CFAP97D2: variants seen among roughly 807,000 people sequenced by gnomAD.
CFAP97D2 encodes uncharacterized protein CFAP97D2.
chr13:114,194,319 T>C (rs1442422606), intron 1 of CFAP97D2, among the ~76,000 whole-genome samples: 3 of 152,218 alleles, frequency 2.0e-5, no homozygotes, highest in Non-Finnish European at 4.4e-5. Flanking sequence ...AAAATGAACC[T>C]GAATTTCTAA....
In CFAP97D2 at chr13:114,202,270, A is replaced by C. The variant is rs577195832; in HGVS notation, c.290+1827A>C. ...AGGCTGCAATCAGAGTTTATGTAAA[A>C]AGAAATTCAGAGATGAATACCTCTG... is the stretch of plus-strand genomic sequence containing the variant. On this transcript the variant is annotated intron_variant, in intron 3 of 4. Transcript: ENST00000646158. Among the ~76,000 whole-genome samples, 22 of 152,338 alleles carry C rather than the reference A, an allele frequency of 1.4e-4. No homozygotes were observed. The East Asian group carries it at 3.9e-3, about 27-fold the overall frequency.
Position 114,207,513 on chromosome 13 carries a change from C to T in CFAP97D2, c.291-4399C>T, listed in dbSNP as rs4600346. ...GAACACGCAGCTTAGATCTCTCGAA[C>T]GTGCAGTTCACAATAGGGTTCACAC... On this transcript the variant is annotated intron_variant, in intron 3 of 4. Coordinates refer to ENST00000646158, the Ensembl canonical transcript of CFAP97D2. This position sits in a 1 kb window ranked among gnomAD's most constrained non-coding sequence, Gnocchi z 4.9. Among the ~76,000 whole-genome samples the T allele has an allele frequency of 0.28, 42,232 of 151,912 alleles. 7,778 individuals carry two copies. The highest frequency in any genetic ancestry group is 0.55 in the East Asian group (2,846 of 5,142).
In CFAP97D2 at chr13:114,208,043, G is replaced by A. The variant is rs573562340; in HGVS notation, c.291-3869G>A. ...AAGATCTGTGAGCCAGGCTCTTGGTGGGACCTCAGCTCACTCTGCCGTCTC... is the reference window on the plus strand; with the variant it reads ...AAGATCTGTGAGCCAGGCTCTTGGTAGGACCTCAGCTCACTCTGCCGTCTC... On this transcript the variant is annotated intron_variant, in intron 3 of 4. Transcript: ENST00000646158. Among the ~76,000 whole-genome samples the A allele has an allele frequency of 2.0e-5, 3 of 152,280 alleles. No individual in the cohort carries two copies. In the South Asian group the frequency reaches 6.2e-4, roughly 32 times the overall value.
intron 4 of CFAP97D2, among the ~76,000 whole-genome samples, chr13:114,220,422 C>G (rs2081016293): frequency 6.6e-6 from 1 of 152,314 alleles, no homozygotes; most frequent in African/African-American, 2.4e-5. Context: ...TCCTGGATAT[C>G]TCAATCTGGT....
intron 3 of CFAP97D2, among the ~76,000 whole-genome samples, chr13:114,210,607 G>A (rs1417258074): frequency 6.6e-6 from 1 of 152,058 alleles, no homozygotes; most frequent in East Asian, 1.9e-4. Flanking sequence ...CTCCCTGCCT[G>A]TCTGTCCTCC....
chr13:114,191,358 C>T (rs1291924874), intron 1 of CFAP97D2, among the ~76,000 whole-genome samples: 2 of 152,012 alleles, frequency 1.3e-5, no homozygotes, highest in East Asian at 1.9e-4. Context: ...AGAAAATATT[C>T]GCAAAAGATA....
In CFAP97D2 at chr13:114,207,349, T is replaced by C. The variant is rs1006518155; in HGVS notation, c.291-4563T>C. Among the ~76,000 whole-genome samples the C allele has an allele frequency of 2.0e-5, 3 of 152,142 alleles. No individual in the cohort carries two copies. Among genetic ancestry groups the C allele is most frequent in the African/African-American group, 7.2e-5 (3 of 41,424 alleles). On this transcript the variant is annotated intron_variant, in intron 3 of 4. Transcript: ENST00000646158. This position sits in a 1 kb window ranked among gnomAD's most constrained non-coding sequence, Gnocchi z 4.9. ...TGTGAAGCTTGATATTACATTGTAA[T>C]ATAGAATGAAGTAATTATACAACTC... is the stretch of plus-strand genomic sequence containing the variant.
intron 3 of CFAP97D2, among the ~76,000 whole-genome samples, chr13:114,201,758 G>A (rs1395734698): frequency 1.3e-5 from 2 of 152,248 alleles, no homozygotes; most frequent in Non-Finnish European, 2.9e-5. Context: ...GAGCACTGCA[G>A]ACCAGTTGGT....
chr13:114,182,287 T>A (rs1207368820), intron 1 of CFAP97D2, among the ~76,000 whole-genome samples: 1 of 152,102 alleles, frequency 6.6e-6, no homozygotes, highest in Non-Finnish European at 1.5e-5. Context: ...GAGTAAAGAA[T>A]AACAAGGCAG....
At chr13:114,196,841 G>A (rs1160180403) in intron 2 of CFAP97D2, among the ~76,000 whole-genome samples, 1 of 152,240 alleles carries the variant, frequency 6.6e-6, no homozygotes, top group Non-Finnish European at 1.5e-5. Context: ...AGGGAGACTT[G>A]AGACGTCAAT....
intron 1 of CFAP97D2, among the ~76,000 whole-genome samples, chr13:114,192,073 TG>T (rs998615071): frequency 5.5e-5 from 1 of 18,290 alleles, no homozygotes; most frequent in Non-Finnish European, 1.3e-4. Flanking sequence ...GGTGGGTGGG[TG>T]GGGGGAGGAA....
chr13:114,185,807 G>A lies in CFAP97D2; in HGVS notation c.90+6387G>A, dbSNP rs2080852028. ...ACAAGCACAGGAGGGAGGCTGAGGG[G>A]GATGCAGAGGACAGCACAGTGCTGG... On this transcript the variant is annotated intron_variant, in intron 1 of 4. Coordinates refer to ENST00000646158, the Ensembl canonical transcript of CFAP97D2. This position sits in a 1 kb window ranked among gnomAD's most constrained non-coding sequence, Gnocchi z 5.2. Among the ~76,000 whole-genome samples, 1 of 152,212 alleles carries A rather than the reference G, an allele frequency of 6.6e-6. No homozygotes were observed. Among genetic ancestry groups the A allele is most frequent in the African/African-American group, 2.4e-5 (1 of 41,456 alleles).
chr13:114,184,020 A>G (rs982761645), intron 1 of CFAP97D2, among the ~76,000 whole-genome samples: 10 of 152,078 alleles, frequency 6.6e-5, no homozygotes, highest in African/African-American at 2.2e-4. Context: ...GCATGGTAGT[A>G]TATACACGTA....
chr13:114,209,341 C>T (rs925804617), intron 3 of CFAP97D2, among the ~76,000 whole-genome samples: 17 of 152,190 alleles, frequency 1.1e-4, no homozygotes, highest in South Asian at 2.1e-4. Flanking sequence ...CACAATAACA[C>T]GAGTAGGTGG....
At position 114,181,217 on chromosome 13, in the gene CFAP97D2, C is replaced by G. The variant is rs9525293; in HGVS notation, c.90+1797C>G. 8.5e-5 allele frequency among the ~76,000 whole-genome samples: 13 copies of G among 152,234 alleles called. No individual in the cohort carries two copies. In the East Asian group the frequency reaches 1.5e-3, roughly 18 times the overall value. On this transcript the variant is annotated intron_variant, in intron 1 of 4. Coordinates refer to ENST00000646158, the Ensembl canonical transcript of CFAP97D2. ...AAGAGAGAAACTGGAAGTCACATATCGTAAGGAACTGCTGTTGGGCACAGC... is the reference window on the plus strand; with the variant it reads ...AAGAGAGAAACTGGAAGTCACATATGGTAAGGAACTGCTGTTGGGCACAGC...
chr13:114,198,876 C>T (rs1357496590), intron 2 of CFAP97D2, among the ~76,000 whole-genome samples: 2 of 57,248 alleles, frequency 3.5e-5, no homozygotes, highest in Non-Finnish European at 5.6e-5. Flanking sequence ...GGGGTGACGG[C>T]GCGTCCCCGT....
At chr13:114,182,919 C>G (rs1455113132) in intron 1 of CFAP97D2, among the ~76,000 whole-genome samples, 1 of 152,168 alleles carries the variant, frequency 6.6e-6, no homozygotes, top group Non-Finnish European at 1.5e-5. Flanking sequence ...ACAGTCTGAT[C>G]TCTCTTTCTT....
At chr13:114,190,349 G>A (rs896029360) in intron 1 of CFAP97D2, among the ~76,000 whole-genome samples, 7 of 152,098 alleles carry the variant, frequency 4.6e-5, no homozygotes, top group African/African-American at 9.7e-5. Flanking sequence ...TAGGAAGGAG[G>A]AAATAAAGCT....
At chr13:114,219,408 A>G (rs7998976) in intron 4 of CFAP97D2, among the ~76,000 whole-genome samples, 20,236 of 152,054 alleles carry the variant, frequency 0.13, 1,629 homozygotes, top group African/African-American at 0.24. Flanking sequence ...TCCTCAGCAA[A>G]TGTCAAGACA....
Sources: gnomAD v4.1 joint callset for allele counts (sites outside exome capture counted in the v4.1 genomes callset) on GRCh38, gnomAD v4.1.1 for gene constraint, Gnocchi (gnomAD v3.1) non-coding constraint, MANE v1.5 for transcripts, NCBI Gene and HGNC (gene_info 2026-07-23, HGNC 2026-07-21) for gene names.